SHC4: variants seen among roughly 807,000 people sequenced by gnomAD.
SHC4 encodes the protein SHC-transforming protein 4.
Under a neutral mutation model 69.4 loss-of-function variants are expected in SHC4, and 41 were observed. The ratio of observed to expected loss-of-function variants is 0.59; its 90% CI spans 0.46 to 0.77. SHC4 has a LOEUF of 0.77. Among genes scored for constraint, SHC4 ranks in the 30% least tolerant of loss-of-function variants. SHC4 has a pLI of 0.00. For synonymous variants in SHC4, 318 were observed against 299.3 expected, an observed-to-expected ratio of 1.06 and a Z score of -0.64; for missense variants, 777 against 783.8, an observed-to-expected ratio of 0.99 and a Z score of 0.10.
At chr15:48,956,970 C>CTTTTTTTTTTTTT (rs1234585427) in intron 1 of SHC4, among the ~76,000 whole-genome samples, 5 of 70,166 alleles carry the variant, frequency 7.1e-5, no homozygotes, top group African/African-American at 2.1e-4. Context: ...TTCTTTCTTT[C>CTTTTTTTTTTTTT]TTTCTTTTTT....
intron 3 of SHC4, among the ~76,000 whole-genome samples, chr15:48,888,300 T>C (rs1900072978): frequency 6.6e-6 from 1 of 152,210 alleles, no homozygotes; most frequent in Admixed American, 6.5e-5. Flanking sequence ...AAGTAAATTC[T>C]GACATCTGCT....
At chr15:48,924,407 C>T (rs1900809276) in intron 2 of SHC4, among the ~76,000 whole-genome samples, 1 of 152,158 alleles carries the variant, frequency 6.6e-6, no homozygotes, top group African/African-American at 2.4e-5. Flanking sequence ...GTAAAACTTC[C>T]CTGATTCCAC....
chr15:48,910,906 T>G (rs1900497724), intron 2 of SHC4, among the ~76,000 whole-genome samples: 1 of 152,210 alleles, frequency 6.6e-6, no homozygotes, highest in Non-Finnish European at 1.5e-5. Flanking sequence ...ATTTCCAGTT[T>G]TATTCCACTG....
intron 3 of SHC4, among the ~76,000 whole-genome samples, chr15:48,890,298 AT>A (rs1295709815): frequency 6.6e-6 from 1 of 152,222 alleles, no homozygotes; most frequent in Non-Finnish European, 1.5e-5. Flanking sequence ...CACTATCCAT[AT>A]TTATACTAGA....
At chr15:48,858,542 G>A (rs1050405124) in intron 6 of SHC4, among the ~76,000 whole-genome samples, 1 of 152,220 alleles carries the variant, frequency 6.6e-6, no homozygotes, top group African/African-American at 2.4e-5. Flanking sequence ...AAGTTAGGGT[G>A]CGGGCAGGCA....
intron 1 of SHC4, among the ~76,000 whole-genome samples, chr15:48,953,319 C>T (rs1595768930): frequency 2.6e-5 from 4 of 152,098 alleles, no homozygotes; most frequent in African/African-American, 9.6e-5. Flanking sequence ...TAATGGGTAC[C>T]AGGCTTAATA....
At chr15:48,930,904 T>C (rs1205192919) in intron 1 of SHC4, among the ~76,000 whole-genome samples, 2 of 152,198 alleles carry the variant, frequency 1.3e-5, no homozygotes, top group Non-Finnish European at 2.9e-5. Context: ...CACTCATGCC[T>C]CAACTCACAA....
intron 2 of SHC4, among the ~76,000 whole-genome samples, chr15:48,908,907 G>A (rs1292544498): frequency 2.0e-5 from 3 of 152,156 alleles, no homozygotes; most frequent in Non-Finnish European, 4.4e-5. Context: ...GTTGGTGTAT[G>A]TGCCTATTTT....
intron 1 of SHC4, among the ~76,000 whole-genome samples, chr15:48,930,154 G>A (rs774908862): frequency 1.3e-5 from 2 of 152,228 alleles, no homozygotes; most frequent in East Asian, 3.8e-4. Flanking sequence ...AGGTCTGCAG[G>A]ATAATAAGAA....
chr15:48,931,474 T>C (rs1900963763), intron 1 of SHC4, among the ~76,000 whole-genome samples: 1 of 152,200 alleles, frequency 6.6e-6, no homozygotes. Context: ...AGTATCACTA[T>C]CTACCTAATT....
chr15:48,929,979 T>G (rs1387407062), intron 1 of SHC4, among the ~76,000 whole-genome samples: 2 of 152,204 alleles, frequency 1.3e-5, no homozygotes, highest in Non-Finnish European at 2.9e-5. Context: ...TATGGCCATG[T>G]GTATCTTGGG....
At chr15:48,958,168 G>A (rs1035067240) in intron 1 of SHC4, among the ~76,000 whole-genome samples, 1 of 152,228 alleles carries the variant, frequency 6.6e-6, no homozygotes, top group African/African-American at 2.4e-5. Context: ...GCTGGGCTGG[G>A]CTGAAGTGAA....
intron 10 of SHC4, among the ~76,000 whole-genome samples, chr15:48,840,702 C>A (rs1898973942): frequency 6.6e-6 from 1 of 152,130 alleles, no homozygotes; most frequent in East Asian, 1.9e-4. Flanking sequence ...CGAAGCCTCA[C>A]CCCATCTCTT....
chr15:48,916,720 T>C (rs1900629334), intron 2 of SHC4, among the ~76,000 whole-genome samples: 1 of 152,152 alleles, frequency 6.6e-6, no homozygotes, highest in Non-Finnish European at 1.5e-5. Flanking sequence ...TTCCCCATTT[T>C]CCTTCATAGA....
intron 7 of SHC4, among the ~76,000 whole-genome samples, chr15:48,856,761 A>C (rs1488684866): frequency 1.3e-5 from 2 of 148,892 alleles, no homozygotes; most frequent in Non-Finnish European, 3.0e-5. Flanking sequence ...GGAATCAGGG[A>C]AAGTTTCTTA....
intron 1 of SHC4, among the ~76,000 whole-genome samples, chr15:48,940,742 C>A (rs1417012162): frequency 6.6e-6 from 1 of 152,176 alleles, no homozygotes; most frequent in Admixed American, 6.5e-5. Context: ...GTCATTCTCC[C>A]TCTATGTCAC....
At chr15:48,922,548 A>C (rs1900770544) in intron 2 of SHC4, among the ~76,000 whole-genome samples, 1 of 152,178 alleles carries the variant, frequency 6.6e-6, no homozygotes, top group African/African-American at 2.4e-5. Context: ...GCTCCCTTGC[A>C]CCTTTTATAA....
chr15:48,919,760 T>C (rs1487690198), intron 2 of SHC4, among the ~76,000 whole-genome samples: 1 of 152,134 alleles, frequency 6.6e-6, no homozygotes, highest in Non-Finnish European at 1.5e-5. Flanking sequence ...TAGGACTTCC[T>C]GACCACCAGA....
At chr15:48,848,001 T>TAAAAAAAAAAAAA (rs571529935) in intron 9 of SHC4, among the ~76,000 whole-genome samples, 6 of 99,804 alleles carry the variant, frequency 6.0e-5, no homozygotes, top group African/African-American at 7.5e-5. Flanking sequence ...AAACTCCGTC[T>TAAAAAAAAAAAAA]AAAAAAAAAA....
Sources: gnomAD v4.1 joint callset for allele counts (sites outside exome capture counted in the v4.1 genomes callset) on GRCh38, gnomAD v4.1.1 for gene constraint, MANE v1.5 for transcripts, NCBI Gene and HGNC (gene_info 2026-07-23, HGNC 2026-07-21) for gene names.